The following MBD2 variants were observed in gnomAD, a reference collection of about 807,000 sequenced individuals.
MBD2 encodes the protein methyl-CpG-binding domain protein 2.
In MBD2, 9 loss-of-function variants were observed where a neutral mutation model predicts 39.3. The ratio of observed to expected loss-of-function variants is 0.23; its 90% CI spans 0.14 to 0.40. The LOEUF is 0.40. MBD2 is among the 10% of genes least tolerant of loss of function. MBD2 has a pLI of 1.00. For synonymous variants in MBD2, 233 were observed against 211.1 expected (o/e 1.10, Z -0.90); for missense variants, 458 against 532.6 (o/e 0.86, Z 1.38).
Position 54,166,059 on chromosome 18 carries a change from C to A in MBD2, c.931+17G>T. 1 of 1,559,748 alleles carries A rather than the reference C, an allele frequency of 6.4e-7. No homozygotes were observed. The highest frequency in any genetic ancestry group is 1.1e-5 in the South Asian group (1 of 89,324). ...AGGTACTTGATAAATGTCTGCTCAA[C>A]TGAACTTAGATAATACCTTGAAGAC... On this transcript the variant is annotated intron_variant, in intron 4 of 6. Transcript: ENST00000256429.
chr18:54,199,624 T>G (rs949737327), intron 2 of MBD2, among the ~76,000 whole-genome samples: 1 of 152,090 alleles, frequency 6.6e-6, no homozygotes, highest in African/African-American at 2.4e-5. Context: ...TTGCCCTTAT[T>G]CCCCTATTCC....
At chr18:54,165,920 T>C (rs2086128223) in intron 4 of MBD2, among the ~76,000 whole-genome samples, 156 bp downstream of exon 4, 2 of 152,202 alleles carry the variant, frequency 1.3e-5, no homozygotes, top group South Asian at 4.1e-4. Context: ...CTTCCTGGCT[T>C]TACTAAAACA....
intron 3 of MBD2, among the ~76,000 whole-genome samples, chr18:54,184,486 G>A (rs2086271237): frequency 6.6e-6 from 1 of 152,174 alleles, no homozygotes; most frequent in Admixed American, 6.5e-5. Context: ...TGCCAAAAAG[G>A]TTGGGGACTG....
At chr18:54,205,591 CAAAAAAAA>C (rs10719481) in intron 1 of MBD2, among the ~76,000 whole-genome samples, 1 of 90,092 alleles carries the variant, frequency 1.1e-5, no homozygotes, top group African/African-American at 4.3e-5. Flanking sequence ...AACTCTATCT[CAAAAAAAA>C]AAAAAAAAAA....
chr18:54,172,950 T>G (rs1000272067), intron 3 of MBD2, among the ~76,000 whole-genome samples: 2 of 152,250 alleles, frequency 1.3e-5, no homozygotes, highest in Admixed American at 1.3e-4. Flanking sequence ...AACTATCATT[T>G]TACTATTTCG....
At chr18:54,169,998 C>T (rs1354948237) in intron 3 of MBD2, among the ~76,000 whole-genome samples, 1 of 152,172 alleles carries the variant, frequency 6.6e-6, no homozygotes, top group Non-Finnish European at 1.5e-5. Flanking sequence ...AATGTCCTAT[C>T]CAGGAAACCA....
At chr18:54,219,114 C>T (rs1335815011) in intron 1 of MBD2, among the ~76,000 whole-genome samples, 2 of 152,160 alleles carry the variant, frequency 1.3e-5, no homozygotes, top group African/African-American at 4.8e-5. Context: ...GTTACACAGT[C>T]GATGAAATTC....
chr18:54,177,726 C>T (rs1203388038), intron 3 of MBD2, among the ~76,000 whole-genome samples: 2 of 151,422 alleles, frequency 1.3e-5, no homozygotes, highest in Non-Finnish European at 2.9e-5. Flanking sequence ...GTTATCCGCC[C>T]GCCTCAGCCT....
chr18:54,187,828 C>A, intron 3 of MBD2: 1 of 985,796 alleles, frequency 1.0e-6, no homozygotes, highest in Non-Finnish European at 1.2e-6. Context: ...CTTCTGTTTT[C>A]CTGGCTCACC....
At position 54,151,702 on chromosome 18, in the gene MBD2, T is replaced by C. The variant is rs1489952042; in HGVS notation, c.*3622A>G. On this transcript the variant is annotated 3_prime_UTR_variant, in exon 7 of 7. Coordinates refer to ENST00000256429, the MANE Select transcript of MBD2 (RefSeq NM_003927.5). ...TATTTATTTTGGACTTCATAGCATTTGAGAAATCACAAAGCTTGTTTATAT... is the reference window on the plus strand; with the variant it reads ...TATTTATTTTGGACTTCATAGCATTCGAGAAATCACAAAGCTTGTTTATAT... 6.6e-6 allele frequency: 1 copy of C among 152,192 alleles called. No homozygotes were observed. Among genetic ancestry groups the C allele is most frequent in the Non-Finnish European group, 1.5e-5 (1 of 68,036 alleles). The allele number at this position is 152,192 out of a possible 1,614,324, so 9.4% of individuals were successfully genotyped here.
In MBD2 at chr18:54,224,562, A is replaced by G. The variant is rs748278292; in HGVS notation, c.-3T>C. 4 of 1,194,310 alleles carry G rather than the reference A, an allele frequency of 3.3e-6. No individual in the cohort carries two copies. Among genetic ancestry groups the G allele is most frequent in the Non-Finnish European group, 4.1e-6 (4 of 964,478 alleles). 74.0% of individuals were successfully genotyped at this position (1,194,310 alleles called of 1,614,324 possible). A position where few individuals can be genotyped will look rare whatever the true frequency, so the allele number is the denominator to read the frequency against. ...CCTCCCCCCGGGTGCGCGCGCATCCAGCCCCCTCCCCAGCCGGCGCTGCGC... is the reference window on the plus strand; with the variant it reads ...CCTCCCCCCGGGTGCGCGCGCATCCGGCCCCCTCCCCAGCCGGCGCTGCGC... On this transcript the variant is annotated 5_prime_UTR_variant, in exon 1 of 7. Transcript: ENST00000256429.
chr18:54,182,641 T>G (rs1804412222), intron 3 of MBD2, among the ~76,000 whole-genome samples: 1 of 152,136 alleles, frequency 6.6e-6, no homozygotes, highest in African/African-American at 2.4e-5. Context: ...CTATTAACAC[T>G]ATCAGACCAT....
In MBD2 at chr18:54,164,561, G is replaced by A. The variant is rs1347170581; in HGVS notation, c.1071C>T (p.Pro357=). Residue 357 remains proline (P), a synonymous_variant, in exon 5 of 7, where the codon CCC becomes CCT. Transcript: ENST00000256429. The part of the protein sequence containing the change: ...NPAVWLNTSQ[P]LCKAFIVTDE... ...CTGTGACAATAAAAGCTTTGCAGAG[G>A]GGTTGAGATGTGTTAAGCCAAACAG... is the stretch of plus-strand genomic sequence containing the variant. 1.2e-6 allele frequency: 2 copies of A among 1,613,894 alleles called. No individual in the cohort carries two copies. The highest frequency in any genetic ancestry group is 1.7e-6 in the Non-Finnish European group (2 of 1,179,880).
At chr18:54,208,017 G>A (rs904450667) in intron 1 of MBD2, among the ~76,000 whole-genome samples, 4 of 150,580 alleles carry the variant, frequency 2.7e-5, no homozygotes, top group Non-Finnish European at 5.9e-5. Context: ...CAGCCTGGGC[G>A]ACAGATCGAG....
chr18:54,207,907 G>A (rs1339819106), intron 1 of MBD2, among the ~76,000 whole-genome samples: 2 of 152,034 alleles, frequency 1.3e-5, no homozygotes, highest in Non-Finnish European at 2.9e-5. Flanking sequence ...GCGTGGTGGC[G>A]GGCGCCTGTA....
At chr18:54,205,957 TACACACAC>T (rs10558467) in intron 1 of MBD2, among the ~76,000 whole-genome samples, 4 of 145,864 alleles carry the variant, frequency 2.7e-5, no homozygotes, top group Admixed American at 6.9e-5. Flanking sequence ...AACACACACA[TACACACAC>T]ACACACACAC....
At chr18:54,177,156 T>C (rs1048282604) in intron 3 of MBD2, among the ~76,000 whole-genome samples, 1 of 152,236 alleles carries the variant, frequency 6.6e-6, no homozygotes, top group Admixed American at 6.5e-5. Context: ...TTCTTATTGA[T>C]ACGCAAGTTC....
At chr18:54,166,904 T>A (rs1201559818) in intron 3 of MBD2, among the ~76,000 whole-genome samples, 1 of 152,340 alleles carries the variant, frequency 6.6e-6, no homozygotes, top group African/African-American at 2.4e-5. Flanking sequence ...TTATTTTATA[T>A]CCTTTTCATA....
intron 2 of MBD2, among the ~76,000 whole-genome samples, chr18:54,197,626 A>G (rs1399220349): frequency 2.0e-5 from 3 of 152,230 alleles, no homozygotes; most frequent in Non-Finnish European, 2.9e-5. Context: ...CTCACCCTTT[A>G]GTACTCTTTT....
Sources: allele counts gnomAD v4.1 joint callset (sites outside exome capture counted in the v4.1 genomes callset), GRCh38; gene constraint gnomAD v4.1.1; transcripts MANE v1.5; gene names NCBI Gene and HGNC (gene_info 2026-07-23, HGNC 2026-07-21).